The following MAP3K5 variants were observed in gnomAD, a reference collection of about 807,000 sequenced individuals.
MAP3K5 encodes mitogen-activated protein kinase kinase kinase 5, also known as ASK-1.
In MAP3K5, 56 loss-of-function variants were observed where a neutral mutation model predicts 158.7. That is an observed-to-expected ratio of 0.35 (90% CI 0.28 to 0.44). The LOEUF (loss-of-function observed/expected upper bound fraction) is 0.44, where lower values mean the gene tolerates loss of function less well. Ranked by LOEUF, MAP3K5 falls within the 20% of genes least tolerant of loss-of-function variation. MAP3K5 has a pLI of 1.00. For synonymous variants in MAP3K5, 579 were observed against 601.7 expected, an observed-to-expected ratio of 0.96 and a Z score of 0.55; for missense variants, 1,294 against 1,674.8, an observed-to-expected ratio of 0.77 and a Z score of 3.97.
chr6:136,623,298 AGT>A (rs1472541698), intron 14 of MAP3K5, among the ~76,000 whole-genome samples: 3 of 152,236 alleles, frequency 2.0e-5, no homozygotes, highest in Non-Finnish European at 4.4e-5. Flanking sequence ...TCAGTGAAAC[AGT>A]GTATAACTAG....
At chr6:136,704,121 T>A (rs1202828569) in intron 3 of MAP3K5, among the ~76,000 whole-genome samples, 1 of 152,206 alleles carries the variant, frequency 6.6e-6, no homozygotes, top group Admixed American at 6.5e-5. Context: ...GGGTAGGAAT[T>A]CTGTAGTGTG....
In MAP3K5 at chr6:136,692,062, C is replaced by CT. The variant is rs553516473; in HGVS notation, c.1253+2077dup. Among the ~76,000 whole-genome samples the CT allele has an allele frequency of 2.0e-3, 301 of 149,362 alleles. 1 individual carries two copies. The highest frequency in any genetic ancestry group is 0.014 in the Middle Eastern group (4 of 288). ...CTTTAGTAGTTGAGAGTTTTTCTTT[C>CT]TTTTTTTTCTTTTTTTCTTTTTTTT... On this transcript the variant is annotated intron_variant, in intron 7 of 29. Transcript: ENST00000359015.
chr6:136,644,486 A>G (rs1266701452), intron 11 of MAP3K5, among the ~76,000 whole-genome samples: 4 of 152,222 alleles, frequency 2.6e-5, no homozygotes, highest in Non-Finnish European at 5.9e-5. Context: ...AATCAGCACA[A>G]GCACCATTTT....
rs1776232635 is a variant in MAP3K5, at chr6:136,609,315, G to T, written c.2521+1967C>A. Among the ~76,000 whole-genome samples, 1 of 152,184 alleles carries T rather than the reference G, an allele frequency of 6.6e-6. No homozygotes were observed. The highest frequency in any genetic ancestry group is 1.5e-5 in the Non-Finnish European group (1 of 68,036). ...TTTTTCAAAAAAATATATTCAAAAT[G>T]TGTTTAATTCTGTACCCTAAAATAT... On this transcript the variant is annotated intron_variant, in intron 18 of 29. Coordinates refer to ENST00000359015, the MANE Select transcript of MAP3K5 (RefSeq NM_005923.4). This position sits in a 1 kb window ranked among gnomAD's most constrained non-coding sequence, Gnocchi z 4.4.
At chr6:136,675,024 A>G (rs574564018) in intron 7 of MAP3K5, among the ~76,000 whole-genome samples, 17 of 152,138 alleles carry the variant, frequency 1.1e-4, no homozygotes, top group African/African-American at 3.4e-4. Flanking sequence ...CCATCCAAAT[A>G]TTAAATAAAT....
chr6:136,662,855 G>A (rs1172690465), intron 8 of MAP3K5, among the ~76,000 whole-genome samples: 1 of 152,170 alleles, frequency 6.6e-6, no homozygotes, highest in African/African-American at 2.4e-5. Flanking sequence ...TGAGCAGTAT[G>A]TCATTGCTGT....
intron 18 of MAP3K5, 21 bp downstream of exon 18, chr6:136,611,261 A>G (rs201526613): frequency 2.1e-6 from 3 of 1,442,668 alleles, no homozygotes; most frequent in African/African-American, 1.4e-5. Flanking sequence ...TAAGATCTGT[A>G]TCATCATTGC....
At chr6:136,765,671 C>T (rs1783934189) in intron 1 of MAP3K5, among the ~76,000 whole-genome samples, 1 of 149,960 alleles carries the variant, frequency 6.7e-6, no homozygotes, top group Admixed American at 6.6e-5. Context: ...CACCACCATG[C>T]CTGGCTAATT....
At chr6:136,674,097 A>C (rs977545988) in intron 7 of MAP3K5, among the ~76,000 whole-genome samples, 1 of 152,074 alleles carries the variant, frequency 6.6e-6, no homozygotes, top group Non-Finnish European at 1.5e-5. Flanking sequence ...GCCAGAATAC[A>C]ACGTAGTGAC....
chr6:136,628,596 A>C (rs877192), intron 14 of MAP3K5, among the ~76,000 whole-genome samples: 14,623 of 152,172 alleles, frequency 0.096, 1,770 homozygotes, highest in African/African-American at 0.27. Context: ...CTAAAGTTTT[A>C]ATTTCCCCTA....
chr6:136,641,521 A>G (rs191863898), intron 12 of MAP3K5, among the ~76,000 whole-genome samples: 1 of 152,144 alleles, frequency 6.6e-6, no homozygotes, highest in Non-Finnish European at 1.5e-5. Flanking sequence ...ATATATATAT[A>G]TTATTTCTAA....
At position 136,791,761 on chromosome 6, in the gene MAP3K5, C is replaced by A. The variant is rs1233775613; in HGVS notation, c.397G>T (p.Gly133Trp). Residue 133 changes from glycine (G) to tryptophan (W), a missense_variant, in exon 1 of 30, where the codon GGG becomes TGG. Gly to Trp is a radical substitution (Grantham distance 184). Around this residue, in one of 5 missense-constraint regions of MAP3K5, gnomAD observed 690 missense variants for 870.5 expected, o/e 0.79. Coordinates refer to ENST00000359015, the MANE Select transcript of MAP3K5 (RefSeq NM_005923.4). ...GTGGTTTCTCCAAAGTCGAGTTTCC[C>A]AAAATGCAGGGTTTCCAGGGTGGCG... Reference protein sequence around the residue: ...VGATLETLHFGKLDFGETTVL... With the variant: ...VGATLETLHFWKLDFGETTVL... The A allele has an allele frequency of 6.2e-7, 1 of 1,613,490 alleles. No homozygotes were observed. Among genetic ancestry groups the A allele is most frequent in the Non-Finnish European group, 8.5e-7 (1 of 1,180,034 alleles).
chr6:136,610,789 A>T (rs78216615), intron 18 of MAP3K5, among the ~76,000 whole-genome samples: 3,070 of 152,134 alleles, frequency 0.02, 106 homozygotes, highest in African/African-American at 0.069. Flanking sequence ...CAAATTCTGT[A>T]ACACATTTTT....
intron 14 of MAP3K5, chr6:136,636,941 T>C: frequency 9.8e-7 from 1 of 1,021,264 alleles, no homozygotes; most frequent in South Asian, 4.2e-5. Context: ...GTTCTCTGTG[T>C]AGCATATTAA....
At chr6:136,566,635 T>C (rs886647677) in intron 26 of MAP3K5, among the ~76,000 whole-genome samples, 2 of 152,124 alleles carry the variant, frequency 1.3e-5, no homozygotes, top group Non-Finnish European at 2.9e-5. Flanking sequence ...GAGGACAAAA[T>C]TGGGATATGA....
intron 2 of MAP3K5, among the ~76,000 whole-genome samples, chr6:136,719,634 T>C (rs572490029): frequency 1.3e-5 from 2 of 152,214 alleles, no homozygotes; most frequent in African/African-American, 4.8e-5. Context: ...GAGATACTCA[T>C]ATAACAATTG....
intron 1 of MAP3K5, among the ~76,000 whole-genome samples, chr6:136,757,127 T>TCG (rs1384735891): frequency 6.6e-6 from 1 of 152,142 alleles, no homozygotes; most frequent in African/African-American, 2.4e-5. Context: ...AGGGAAGGTG[T>TCG]CGTAGGGTTC....
intron 14 of MAP3K5, among the ~76,000 whole-genome samples, chr6:136,629,989 C>T (rs1189211111): frequency 6.6e-6 from 1 of 151,660 alleles, no homozygotes; most frequent in Non-Finnish European, 1.5e-5. Context: ...TGACCTCAAA[C>T]AATCCAACTC....
Position 136,792,321 on chromosome 6 carries a change from G to A in MAP3K5, c.-164C>T, listed in dbSNP as rs1163775869. The stretch of plus-strand genomic sequence containing the variant: ...CCTCCTCTCCGGCGCCCTCTCCCCC[G>A]AGGGCACGCCGCTGCCCGGCGGCGG... On this transcript the variant is annotated 5_prime_UTR_variant, in exon 1 of 30. Coordinates refer to ENST00000359015, the MANE Select transcript of MAP3K5 (RefSeq NM_005923.4). The surrounding 1 kb of genome is among the most constrained non-coding windows in gnomAD (Gnocchi z 5.7). 5 of 1,021,146 alleles carry A rather than the reference G, an allele frequency of 4.9e-6. No homozygotes were observed. Among genetic ancestry groups the A allele is most frequent in the Non-Finnish European group, 3.5e-6 (3 of 858,578 alleles). The allele number at this position is 1,021,146 out of a possible 1,614,324, so 63.3% of individuals were successfully genotyped here.
Sources: allele counts gnomAD v4.1 joint callset (sites outside exome capture counted in the v4.1 genomes callset), GRCh38; gene constraint gnomAD v4.1.1; regional missense constraint gnomAD v4.1.1; non-coding constraint Gnocchi (gnomAD v3.1); transcripts MANE v1.5; gene names NCBI Gene and HGNC (gene_info 2026-07-23, HGNC 2026-07-21).